The following DIS3L2 variants were observed in gnomAD, a reference collection of about 807,000 sequenced individuals.
DIS3L2 encodes the protein DIS3-like exonuclease 2.
A neutral mutation model predicts 97.5 loss-of-function variants in DIS3L2; 34 were observed. The observed-to-expected ratio is 0.35, with a 90% CI of 0.27 to 0.46. The LOEUF (loss-of-function observed/expected upper bound fraction) is 0.46. DIS3L2 is among the 20% of genes least tolerant of loss of function. The pLI is 1.00. For missense variants in DIS3L2, 1,038 were observed against 1,146.0 expected, an observed-to-expected ratio of 0.91 and a Z score of 1.36; for synonymous variants, 435 against 445.2, an observed-to-expected ratio of 0.98 and a Z score of 0.29.
intron 6 of DIS3L2, among the ~76,000 whole-genome samples, chr2:232,115,690 C>G (rs893785638): frequency 3.9e-5 from 6 of 152,122 alleles, no homozygotes; most frequent in Admixed American, 6.5e-5. Context: ...TCTGATGATT[C>G]TATAAGTGGA....
chr2:231,990,613 G>T (rs1048984704), intron 1 of DIS3L2, among the ~76,000 whole-genome samples: 1 of 152,212 alleles, frequency 6.6e-6, no homozygotes, highest in Middle Eastern at 3.4e-3. Context: ...TAACATTTTT[G>T]GGCCTTATTT....
At chr2:231,985,737 C>G (rs369555951) in intron 1 of DIS3L2, among the ~76,000 whole-genome samples, 1 of 152,214 alleles carries the variant, frequency 6.6e-6, no homozygotes, top group South Asian at 2.1e-4. Flanking sequence ...CATCCTTACT[C>G]CCACATACTT....
At chr2:232,042,932 G>A (rs541504878) in intron 5 of DIS3L2, among the ~76,000 whole-genome samples, 1 of 152,328 alleles carries the variant, frequency 6.6e-6, no homozygotes, top group Admixed American at 6.5e-5. Flanking sequence ...ACTACTATTA[G>A]TCTTAGAAAT....
At chr2:232,112,228 T>C (rs956062894) in intron 6 of DIS3L2, among the ~76,000 whole-genome samples, 2 of 152,206 alleles carry the variant, frequency 1.3e-5, no homozygotes, top group African/African-American at 4.8e-5. Context: ...GCCAGGTAAC[T>C]TGGACAAATC....
At chr2:232,329,787 C>CCCGGGGCCA in intron 14 of DIS3L2, 26 bp from the exon 15 acceptor site, 2 of 1,062,210 alleles carry the variant, frequency 1.9e-6, no homozygotes, top group African/African-American at 1.6e-5. Flanking sequence ...CCCAGCGGTC[C>CCCGGGGCCA]CTCCCATCCC....
At chr2:232,245,560 A>G (rs947390213) in intron 11 of DIS3L2, among the ~76,000 whole-genome samples, 6 of 152,212 alleles carry the variant, frequency 3.9e-5, no homozygotes, top group Admixed American at 2.0e-4. Context: ...ACAAAACTAT[A>G]TATACCTAAA....
chr2:232,218,171 A>G (rs1284879151), intron 10 of DIS3L2, among the ~76,000 whole-genome samples: 2 of 152,192 alleles, frequency 1.3e-5, no homozygotes, highest in Non-Finnish European at 2.9e-5. Context: ...CAGTGGCCTA[A>G]AGCTCTCCAA....
At chr2:232,317,728 C>T (rs764396334) in intron 14 of DIS3L2, among the ~76,000 whole-genome samples, 2 of 152,184 alleles carry the variant, frequency 1.3e-5, no homozygotes, top group Non-Finnish European at 2.9e-5. Context: ...TGAGCCACCA[C>T]TCCTAGCCTC....
At chr2:232,242,652 T>C (rs1462083023) in intron 11 of DIS3L2, among the ~76,000 whole-genome samples, 1 of 152,210 alleles carries the variant, frequency 6.6e-6, no homozygotes, top group Admixed American at 6.5e-5. Flanking sequence ...TTTATAGTCT[T>C]GTTGGTACCC....
intron 11 of DIS3L2, among the ~76,000 whole-genome samples, chr2:232,246,129 G>T (rs1693240907): frequency 6.6e-6 from 1 of 152,208 alleles, no homozygotes. Flanking sequence ...TGTTGTAAAT[G>T]CAGCAGAAGA....
At chr2:232,074,293 G>A (rs1441393275) in intron 5 of DIS3L2, among the ~76,000 whole-genome samples, 1 of 152,164 alleles carries the variant, frequency 6.6e-6, no homozygotes, top group Non-Finnish European at 1.5e-5. Flanking sequence ...GCTGTATCAT[G>A]AAGTATCTTA....
chr2:232,218,736 CTTTTCAGTAA>C (rs1194998619), intron 10 of DIS3L2, among the ~76,000 whole-genome samples: 1 of 152,226 alleles, frequency 6.6e-6, no homozygotes, highest in Non-Finnish European at 1.5e-5. Context: ...TTGTCATGGT[CTTTTCAGTAA>C]TTTCCCTCCC....
intron 10 of DIS3L2, among the ~76,000 whole-genome samples, chr2:232,226,262 C>G (rs79194521): frequency 6.6e-6 from 1 of 152,296 alleles, no homozygotes; most frequent in East Asian, 1.9e-4. Flanking sequence ...TAATCATAGT[C>G]AGCCTTAGGA....
chr2:232,200,600 A>C (rs1208225043), intron 9 of DIS3L2, among the ~76,000 whole-genome samples: 1 of 152,172 alleles, frequency 6.6e-6, no homozygotes, highest in Non-Finnish European at 1.5e-5. Context: ...TTAAAAAATC[A>C]ATGAATTTGT....
At chr2:232,162,644 C>T (rs1690687105) in intron 8 of DIS3L2, among the ~76,000 whole-genome samples, 1 of 152,232 alleles carries the variant, frequency 6.6e-6, no homozygotes, top group Non-Finnish European at 1.5e-5. Flanking sequence ...TAGACTTGTA[C>T]AACAGAGGAG....
intron 3 of DIS3L2, among the ~76,000 whole-genome samples, chr2:232,020,241 A>G (rs1266631027): frequency 6.6e-6 from 1 of 152,122 alleles, no homozygotes. Flanking sequence ...TAAGCAGGGG[A>G]AGAAAATAAT....
intron 14 of DIS3L2, among the ~76,000 whole-genome samples, chr2:232,302,171 G>A (rs1201866783): frequency 6.6e-6 from 1 of 152,006 alleles, no homozygotes; most frequent in South Asian, 2.1e-4. Flanking sequence ...CTCACTCATA[G>A]GTGGGAACTG....
In DIS3L2 at chr2:232,276,831, G is replaced by C. The variant is rs1026297316; in HGVS notation, c.1659+13391G>C. ...CAGTACCTACGTTATAGGAATATTA[G>C]GTTAGATGAGATGTACCCGTAAAAC... On this transcript the variant is annotated intron_variant, in intron 13 of 20. Transcript: ENST00000325385. This position sits in a 1 kb window ranked among gnomAD's most constrained non-coding sequence, Gnocchi z 4.4. Among the ~76,000 whole-genome samples, 1 of 152,180 alleles carries C rather than the reference G, an allele frequency of 6.6e-6. No homozygotes were observed. The highest frequency in any genetic ancestry group is 1.5e-5 in the Non-Finnish European group (1 of 68,034).
At chr2:232,296,982 T>G (rs1261618684) in intron 13 of DIS3L2, among the ~76,000 whole-genome samples, 1 of 152,210 alleles carries the variant, frequency 6.6e-6, no homozygotes, top group Non-Finnish European at 1.5e-5. Flanking sequence ...CCTTCATGAC[T>G]AAGGACTAAG....
Sources: allele counts gnomAD v4.1 joint callset (sites outside exome capture counted in the v4.1 genomes callset), GRCh38; gene constraint gnomAD v4.1.1; non-coding constraint Gnocchi (gnomAD v3.1); transcripts MANE v1.5; gene names NCBI Gene and HGNC (gene_info 2026-07-23, HGNC 2026-07-21).